Variants in LMO7 observed in about 807,000 individuals in gnomAD.
LMO7 encodes the protein LIM domain 7.
Under a neutral mutation model 206.5 loss-of-function variants are expected in LMO7, and 120 were observed. That is an observed-to-expected ratio of 0.58 (90% confidence interval 0.50 to 0.68). LMO7 has a LOEUF of 0.68. LMO7 is among the 30% of genes least tolerant of loss of function. The probability of loss-of-function intolerance (pLI) is 0.00; values close to 1 mark genes in which losing one functional copy is unlikely to be tolerated. For synonymous variants in LMO7, 706 were observed against 681.5 expected (o/e 1.04, Z -0.56); for missense variants, 1,959 against 1,957.9 (o/e 1.00, Z -0.01).
intron 6 of LMO7, among the ~76,000 whole-genome samples, chr13:75,800,041 G>A (rs879475141): frequency 1.4e-4 from 22 of 152,160 alleles, no homozygotes; most frequent in Admixed American, 8.5e-4. Context: ...AAACAAGTAT[G>A]CTTCCCTTGA....
intron 1 of LMO7, among the ~76,000 whole-genome samples, chr13:75,696,973 C>G (rs1042297798): frequency 2.6e-5 from 4 of 152,044 alleles, no homozygotes; most frequent in Admixed American, 2.6e-4. Context: ...AGCTGGTGAT[C>G]CACATTTTTG....
chr13:75,850,225 T>C (rs1439252560), intron 27 of LMO7, among the ~76,000 whole-genome samples: 5 of 152,212 alleles, frequency 3.3e-5, no homozygotes, highest in Non-Finnish European at 7.3e-5. Context: ...CAATAATGTA[T>C]CTCTTTTGCT....
chr13:75,855,123 A>G (rs777715057), intron 28 of LMO7, 137 bp from the exon 29 acceptor site: 65 of 519,692 alleles, frequency 1.3e-4, no homozygotes, highest in Non-Finnish European at 1.8e-4. Context: ...TTGGCTGGTA[A>G]AAGTTATTCT....
Position 75,858,083 on chromosome 13 carries a change from C to T in LMO7, c.*140C>T. ...TAACTTTTTTTGCCTCTTTAGATTA[C>T]ATAGAAGCATTGTAGTCTTGGTAGA... On this transcript the variant is annotated 3_prime_UTR_variant, in exon 31 of 31. Coordinates refer to ENST00000377534, the MANE Select transcript of LMO7 (RefSeq NM_001306080.2). 1.2e-6 allele frequency: 1 copy of T among 846,982 alleles called. No homozygotes were observed. Among genetic ancestry groups the T allele is most frequent in the Non-Finnish European group, 1.8e-6 (1 of 549,534 alleles). The allele number at this position is 846,982 out of a possible 1,614,324, so 52.5% of individuals were successfully genotyped here.
chr13:75,671,750 A>G (rs1393406077), intron 1 of LMO7, among the ~76,000 whole-genome samples: 1 of 152,208 alleles, frequency 6.6e-6, no homozygotes, highest in Admixed American at 6.5e-5. Context: ...TATTAAAGAC[A>G]TTTTGGATCC....
chr13:75,855,358 A>T lies in LMO7; in HGVS notation c.4760A>T (p.His1587Leu). 6.2e-7 allele frequency: 1 copy of T among 1,610,576 alleles called. No individual in the cohort carries two copies. The highest frequency in any genetic ancestry group is 1.1e-5 in the South Asian group (1 of 90,948). The change falls in exon 29 of 31, where the codon CAT becomes CTT. Residue 1587 changes from histidine to leucine, a missense_variant. By Grantham distance (99) the His-to-Leu change is moderately conservative. Transcript: ENST00000377534. ...TCCCTGGGTCTTTGTTATCATTTGC[A>T]TTGTTTTAAGGTGAGACTGAGACAA... is the stretch of plus-strand genomic sequence containing the variant. ...IESLGLCYHL[H>L]CFKCVACECD...
intron 3 of LMO7, among the ~76,000 whole-genome samples, chr13:75,746,603 A>T (rs1441476132): frequency 6.6e-6 from 1 of 152,234 alleles, no homozygotes; most frequent in African/African-American, 2.4e-5. Flanking sequence ...TGGATCTGCC[A>T]ACAATGGGCC....
At chr13:75,637,994 A>T (rs1438515305) in intron 1 of LMO7, among the ~76,000 whole-genome samples, 1 of 152,234 alleles carries the variant, frequency 6.6e-6, no homozygotes, top group Non-Finnish European at 1.5e-5. Flanking sequence ...GAGTGGAAAA[A>T]TTCCAGCAAT....
At chr13:75,691,891 G>C (rs2041512575) in intron 1 of LMO7, among the ~76,000 whole-genome samples, 1 of 152,016 alleles carries the variant, frequency 6.6e-6, no homozygotes, top group Non-Finnish European at 1.5e-5. Flanking sequence ...GGTGAACACA[G>C]TGCAGACCTG....
intron 4 of LMO7, among the ~76,000 whole-genome samples, chr13:75,793,813 A>G (rs1331419090): frequency 1.3e-5 from 2 of 152,154 alleles, no homozygotes; most frequent in African/African-American, 4.8e-5. Context: ...TCCTCTTCTA[A>G]TCTCTTCTGT....
At chr13:75,822,915 TTATAGA>T (rs1326296941) in intron 14 of LMO7, among the ~76,000 whole-genome samples, 2 of 150,936 alleles carry the variant, frequency 1.3e-5, no homozygotes, top group South Asian at 2.1e-4. Flanking sequence ...TTATAAAGAG[TTATAGA>T]TATTTGTTGC....
intron 1 of LMO7, among the ~76,000 whole-genome samples, chr13:75,663,195 T>C (rs2038765362): frequency 6.6e-6 from 1 of 151,890 alleles, no homozygotes; most frequent in Admixed American, 6.6e-5. Context: ...TTCTTTTGGG[T>C]TGACTGTTTT....
chr13:75,825,379 G>A lies in LMO7; in HGVS notation c.2949+1506G>A, dbSNP rs569460704. On this transcript the variant is annotated intron_variant, in intron 15 of 30. Coordinates refer to ENST00000377534, the MANE Select transcript of LMO7 (RefSeq NM_001306080.2). ...CAGCCTGAATCATGTGCTGCACGCTGGGTGTTGGTACCTCCCTCAGGGTGG... is the reference window on the plus strand; with the variant it reads ...CAGCCTGAATCATGTGCTGCACGCTAGGTGTTGGTACCTCCCTCAGGGTGG... Among the ~76,000 whole-genome samples, 110 of 152,246 alleles carry A rather than the reference G, an allele frequency of 7.2e-4. 2 individuals carry two copies. The South Asian group carries it at 7.7e-3, about 11-fold the overall frequency.
At chr13:75,811,793 G>A (rs2056428879) in intron 11 of LMO7, among the ~76,000 whole-genome samples, 1 of 152,170 alleles carries the variant, frequency 6.6e-6, no homozygotes, top group Non-Finnish European at 1.5e-5. Flanking sequence ...TGTTTTGGCA[G>A]AAGCAATTTA....
chr13:75,853,416 C>T lies in LMO7; in HGVS notation c.4661+28C>T, dbSNP rs376444140. On this transcript the variant is annotated intron_variant, in intron 28 of 30. Coordinates refer to ENST00000377534, the MANE Select transcript of LMO7 (RefSeq NM_001306080.2). Reference sequence around the variant, plus strand: ...GAGGCCCTTGCTGTTTCTCTTTCTTCTCTTAGTCTTGGGTATTTTTTCATT... The same window carrying T: ...GAGGCCCTTGCTGTTTCTCTTTCTTTTCTTAGTCTTGGGTATTTTTTCATT... 20 of 1,526,660 alleles carry T rather than the reference C, an allele frequency of 1.3e-5. No homozygotes were observed. In the African/African-American group the frequency reaches 2.8e-4, roughly 21 times the overall value. 94.6% of individuals were successfully genotyped at this position (1,526,660 alleles called of 1,614,324 possible).
upstream of LMO7, chr13:75,636,002 G>A (rs1222866782): frequency 1.3e-5 from 2 of 153,672 alleles, no homozygotes; most frequent in Non-Finnish European, 2.9e-5. Flanking sequence ...CGCGAGCCGG[G>A]AGGGGCGCCG....
intron 3 of LMO7, among the ~76,000 whole-genome samples, chr13:75,752,971 A>G (rs941164761): frequency 2.0e-5 from 3 of 152,190 alleles, no homozygotes; most frequent in Admixed American, 6.5e-5. Flanking sequence ...GCTGGATCAT[A>G]TGGTAGTTCT....
At chr13:75,747,099 C>G (rs1359174904) in intron 3 of LMO7, among the ~76,000 whole-genome samples, 1 of 151,824 alleles carries the variant, frequency 6.6e-6, no homozygotes, top group Non-Finnish European at 1.5e-5. Context: ...CTGGATGGGC[C>G]TAAGTCTCCA....
chr13:75,651,355 A>G lies in LMO7; in HGVS notation c.69+14629A>G, dbSNP rs1210632865. 3.3e-5 allele frequency among the ~76,000 whole-genome samples: 5 copies of G among 149,346 alleles called. No individual in the cohort carries two copies. The East Asian group carries it at 9.9e-4, about 30-fold the overall frequency. ...GACAGAGTCTCACTTTGTCACCCAG[A>G]CTGGAGTGCAGTGCCATGATCTCAG... On this transcript the variant is annotated intron_variant, in intron 1 of 30. Coordinates refer to ENST00000377534, the MANE Select transcript of LMO7 (RefSeq NM_001306080.2).
Sources: gnomAD v4.1 joint callset for allele counts (sites outside exome capture counted in the v4.1 genomes callset) on GRCh38, gnomAD v4.1.1 for gene constraint, MANE v1.5 for transcripts, NCBI Gene and HGNC (gene_info 2026-07-23, HGNC 2026-07-21) for gene names.